Variants in PNLIPRP1 observed in about 807,000 individuals in gnomAD.
PNLIPRP1 encodes the protein inactive pancreatic lipase-related protein 1.
In PNLIPRP1, 57 loss-of-function variants were observed where a neutral mutation model predicts 54.6. The observed-to-expected ratio is 1.04, with a 90% CI of 0.84 to 1.30. PNLIPRP1 has a LOEUF of 1.30. Among genes scored for constraint, PNLIPRP1 ranks in the 50% most tolerant of loss-of-function variants. The pLI, the probability that PNLIPRP1 is intolerant of heterozygous loss-of-function variation, is 0.00. For synonymous variants in PNLIPRP1, 232 were observed against 208.8 expected, an observed-to-expected ratio of 1.11 and a Z score of -0.96; for missense variants, 567 against 568.5, an observed-to-expected ratio of 1.00 and a Z score of 0.03.
At chr10:116,599,860 A>G (rs1847802147) in intron 8 of PNLIPRP1, among the ~76,000 whole-genome samples, 187 bp from the exon 9 acceptor site, 1 of 152,200 alleles carries the variant, frequency 6.6e-6, no homozygotes, top group Admixed American at 6.5e-5. Context: ...AAGTGATCAG[A>G]ATGTTGCCTT....
chr10:116,607,742 TTCTTGAACAACCACAAAAATA>T (rs1293765143), intron 12 of PNLIPRP1, among the ~76,000 whole-genome samples: 1 of 152,208 alleles, frequency 6.6e-6, no homozygotes, highest in Admixed American at 6.5e-5. Flanking sequence ...AAGTCCGTGG[TTCTTGAACAACCACAAAAATA>T]ACTGCTTACA....
intron 12 of PNLIPRP1, among the ~76,000 whole-genome samples, chr10:116,605,794 GGTA>G (rs1847927298): frequency 6.6e-6 from 1 of 152,108 alleles, no homozygotes; most frequent in African/African-American, 2.4e-5. Flanking sequence ...GCACTTTCAA[GGTA>G]AAATGAGAAA....
At chr10:116,592,253 A>G in intron 3 of PNLIPRP1, 163 bp from the exon 4 acceptor site, 1 of 756,944 alleles carries the variant, frequency 1.3e-6, no homozygotes, top group Non-Finnish European at 2.1e-6. Context: ...ACTCACCTGG[A>G]GAGATGGGGC....
In PNLIPRP1 at chr10:116,592,393, A is replaced by T. The variant is rs1867991; in HGVS notation, c.205-23A>T. 5.3e-5 allele frequency: 83 copies of T among 1,571,390 alleles called. No individual in the cohort carries two copies. In the Middle Eastern group the frequency reaches 8.6e-4, roughly 16 times the overall value. On this transcript the variant is annotated intron_variant, in intron 3 of 12. Transcript: ENST00000358834. ...TGTGAGGCTGGGCTGCGAAAACATG[A>T]AGCACTTCTGCGTCTGTCACAGATT...
At chr10:116,597,736 G>A (rs2133232754) in intron 6 of PNLIPRP1, 92 bp from the exon 7 acceptor site, 2 of 1,432,624 alleles carry the variant, frequency 1.4e-6, no homozygotes, top group Non-Finnish European at 1.9e-6. Context: ...CCATTGAGTT[G>A]GGCAGTGCAT....
chr10:116,602,016 A>ATTTTT (rs58771473), intron 10 of PNLIPRP1, among the ~76,000 whole-genome samples: 1 of 138,098 alleles, frequency 7.2e-6, no homozygotes, highest in Admixed American at 7.3e-5. Flanking sequence ...TCACTCTGTA[A>ATTTTT]TTTTTTTTTT....
intron 12 of PNLIPRP1, among the ~76,000 whole-genome samples, chr10:116,607,401 C>T (rs2133244787): frequency 6.6e-6 from 1 of 152,162 alleles, no homozygotes; most frequent in East Asian, 1.9e-4. Flanking sequence ...GTCAAAAGAC[C>T]AAATAAAGAA....
At position 116,592,424 on chromosome 10, in the gene PNLIPRP1, C is replaced by G; in HGVS notation, c.213C>G (p.Leu71=). The part of the protein sequence containing the change: ...NENPNNFQIL[L]LSDPSTIEAS... ...TTCTGCGTCTGTCACAGATTCTCCTCCTCTCTGATCCATCAACAATTGAGG... is the reference window on the plus strand; with the variant it reads ...TTCTGCGTCTGTCACAGATTCTCCTGCTCTCTGATCCATCAACAATTGAGG... The change falls in exon 4 of 13, where the codon CTC becomes CTG. Residue 71 remains leucine, a synonymous_variant. Coordinates refer to ENST00000358834, the MANE Select transcript of PNLIPRP1 (RefSeq NM_006229.4). 3 of 1,604,250 alleles carry G rather than the reference C, an allele frequency of 1.9e-6. No homozygotes were observed. The highest frequency in any genetic ancestry group is 8.5e-7 in the Non-Finnish European group (1 of 1,173,180).
chr10:116,597,990 T>C, intron 7 of PNLIPRP1, 43 bp downstream of exon 7: 1 of 1,614,094 alleles, frequency 6.2e-7, no homozygotes. Context: ...CACAACTGTG[T>C]TTTAACCATG....
In PNLIPRP1 at chr10:116,605,369, T is replaced by C; in HGVS notation, c.1173-17T>C. 1 of 1,527,724 alleles carries C rather than the reference T, an allele frequency of 6.5e-7. No homozygotes were observed. Among genetic ancestry groups the C allele is most frequent in the Non-Finnish European group, 8.9e-7 (1 of 1,117,444 alleles). 94.6% of individuals were successfully genotyped at this position (1,527,724 alleles called of 1,614,324 possible). A position where few individuals can be genotyped will look rare whatever the true frequency, so the allele number is the denominator to read the frequency against. On this transcript the variant is annotated splice_polypyrimidine_tract_variant and intron_variant, in intron 11 of 12. Coordinates refer to ENST00000358834, the MANE Select transcript of PNLIPRP1 (RefSeq NM_006229.4). ...TCATTTCCGTGAACAGGGATGTTTA[T>C]GTTTCTCTATTTCAAGGGGGATTCT...
At chr10:116,592,245 T>C in intron 3 of PNLIPRP1, 171 bp from the exon 4 acceptor site, 1 of 721,562 alleles carries the variant, frequency 1.4e-6, no homozygotes. Flanking sequence ...CAGTGATTAC[T>C]CACCTGGAGA....
chr10:116,603,229 C>A (rs1353547582), intron 10 of PNLIPRP1, among the ~76,000 whole-genome samples: 2 of 152,134 alleles, frequency 1.3e-5, no homozygotes, highest in Admixed American at 1.3e-4. Flanking sequence ...ACACAGTCCC[C>A]GCCCTCGAGG....
At position 116,594,745 on chromosome 10, in the gene PNLIPRP1, G is replaced by A. The variant is rs1554863705; in HGVS notation, c.346G>A (p.Glu116Lys). ...CCAACACCAGAAACTGTTCGAGGTGGAGGAGGTGAACTGCATCTGCGTGGA... is the reference window on the plus strand; with the variant it reads ...CCAACACCAGAAACTGTTCGAGGTGAAGGAGGTGAACTGCATCTGCGTGGA... ...TDMCKKLFEV[E>K]EVNCICVDWK... Residue 116 changes from glutamate (E) to lysine (K), a missense_variant, in exon 5 of 13, where the codon GAG becomes AAG. Glu to Lys is a moderately conservative substitution (Grantham distance 56). Transcript: ENST00000358834. The A allele has an allele frequency of 6.2e-7, 1 of 1,614,204 alleles. No individual in the cohort carries two copies. The highest frequency in any genetic ancestry group is 1.1e-5 in the South Asian group (1 of 91,084).
chr10:116,607,409 GA>G (rs1269083271), intron 12 of PNLIPRP1, among the ~76,000 whole-genome samples: 1 of 152,150 alleles, frequency 6.6e-6, no homozygotes, highest in Non-Finnish European at 1.5e-5. Flanking sequence ...ACCAAATAAA[GA>G]ACTCCCAGGA....
intron 12 of PNLIPRP1, among the ~76,000 whole-genome samples, chr10:116,606,739 T>G (rs1847942491): frequency 6.6e-6 from 1 of 152,198 alleles, no homozygotes; most frequent in African/African-American, 2.4e-5. Context: ...AGGCTGAGGC[T>G]TTCTGAACTT....
At chr10:116,594,226 C>T in intron 4 of PNLIPRP1, 1 of 436,478 alleles carries the variant, frequency 2.3e-6, no homozygotes. Flanking sequence ...CAGTACAGTT[C>T]TATTTTTCAA....
At chr10:116,601,037 T>C in intron 9 of PNLIPRP1, 35 bp from the exon 10 acceptor site, 1 of 1,582,478 alleles carries the variant, frequency 6.3e-7, no homozygotes, top group South Asian at 1.2e-5. Flanking sequence ...CAAACACAAA[T>C]TCTCCTTACA....
intron 9 of PNLIPRP1, chr10:116,600,597 A>C (rs1847817721): frequency 5.7e-6 from 1 of 174,442 alleles, no homozygotes; most frequent in Admixed American, 5.5e-5. Context: ...GCTGGCAACA[A>C]GGGGAGAGAT....
At position 116,600,116 on chromosome 10, in the gene PNLIPRP1, C is replaced by G; in HGVS notation, c.884C>G (p.Pro295Arg). Residue 295 changes from proline (P) to arginine (R), a missense_variant, in exon 9 of 13, where the codon CCC (proline) becomes CGC (arginine). Physicochemically the swap from Pro to Arg is moderately radical, Grantham distance 103 (BLOSUM62 -2). Coordinates refer to ENST00000358834, the MANE Select transcript of PNLIPRP1 (RefSeq NM_006229.4). Reference sequence around the variant, plus strand: ...TATTACTTGGAAAGCATCCTCAATCCCGATGGGTTTGCTGCATATCCCTGC... The same window carrying G: ...TATTACTTGGAAAGCATCCTCAATCGCGATGGGTTTGCTGCATATCCCTGC... ...YKYYLESILN[P>R]DGFAAYPCTS... 1 of 1,613,886 alleles carries G rather than the reference C, an allele frequency of 6.2e-7. No individual in the cohort carries two copies. Among genetic ancestry groups the G allele is most frequent in the Non-Finnish European group, 8.5e-7 (1 of 1,179,848 alleles).
Sources: allele counts gnomAD v4.1 joint callset (sites outside exome capture counted in the v4.1 genomes callset), GRCh38; gene constraint gnomAD v4.1.1; transcripts MANE v1.5; gene names NCBI Gene and HGNC (gene_info 2026-07-23, HGNC 2026-07-21).